DLGAP4: variants seen among roughly 807,000 people sequenced by gnomAD.
DLGAP4 encodes DLG associated protein 4.
Under a neutral mutation model 86.9 loss-of-function variants are expected in DLGAP4, and 18 were observed. The observed-to-expected ratio is 0.21, with a 90% confidence interval of 0.14 to 0.31. The LOEUF is 0.31. Ranked by LOEUF, DLGAP4 falls within the 10% of genes least tolerant of loss-of-function variation. The pLI, the probability that DLGAP4 is intolerant of heterozygous loss-of-function variation, is 1.00. For missense variants in DLGAP4, 1,085 were observed against 1,362.6 expected, an observed-to-expected ratio of 0.80 and a Z score of 3.21; for synonymous variants, 548 against 574.3, an observed-to-expected ratio of 0.95 and a Z score of 0.65.
chr20:36,514,558 G>A (rs1009031152), intron 10 of DLGAP4, among the ~76,000 whole-genome samples: 1 of 152,054 alleles, frequency 6.6e-6, no homozygotes. Flanking sequence ...ACACAGGGGT[G>A]CACCACCACA....
chr20:36,454,771 G>A (rs1378451944), intron 7 of DLGAP4, among the ~76,000 whole-genome samples: 2 of 152,184 alleles, frequency 1.3e-5, no homozygotes, highest in Non-Finnish European at 2.9e-5. Flanking sequence ...GTAGGGGAGC[G>A]GCAGTTATTG....
intron 2 of DLGAP4, among the ~76,000 whole-genome samples, chr20:36,375,789 A>G (rs1214677537): frequency 6.6e-6 from 1 of 152,152 alleles, no homozygotes; most frequent in Non-Finnish European, 1.5e-5. Context: ...GTGGGGAGAC[A>G]CAGGGCTAGA....
At chr20:36,461,535 C>T (rs1481133950) in intron 7 of DLGAP4, 15 of 982,500 alleles carry the variant, frequency 1.5e-5, no homozygotes, top group Non-Finnish European at 1.8e-5. Context: ...CTGGCCGCCG[C>T]CGCCGCCGCC....
intron 10 of DLGAP4, among the ~76,000 whole-genome samples, chr20:36,522,362 G>C (rs1377709986): frequency 6.6e-6 from 1 of 152,070 alleles, no homozygotes; most frequent in Non-Finnish European, 1.5e-5. Flanking sequence ...GTTTCACTTT[G>C]TTGCCCAGGC....
chr20:36,443,236 G>C (rs1370805148), intron 6 of DLGAP4, among the ~76,000 whole-genome samples: 2 of 152,162 alleles, frequency 1.3e-5, no homozygotes, highest in African/African-American at 2.4e-5. Flanking sequence ...GTTGGAGTGT[G>C]TGTGGAGACT....
chr20:36,382,586 G>C (rs1387706329), intron 2 of DLGAP4, among the ~76,000 whole-genome samples: 1 of 134,428 alleles, frequency 7.4e-6, no homozygotes, highest in Non-Finnish European at 1.5e-5. Context: ...CTGGAGTGCA[G>C]TGGCACGATC....
At chr20:36,524,457 C>A in intron 11 of DLGAP4, 116 bp downstream of exon 11, 1 of 817,950 alleles carries the variant, frequency 1.2e-6, no homozygotes, top group South Asian at 1.7e-5. Context: ...AGCGCGGCTT[C>A]CTCATGGTGC....
intron 1 of DLGAP4, among the ~76,000 whole-genome samples, chr20:36,315,146 GTGTGTGTGC>G (rs1274567712): frequency 2.7e-5 from 4 of 150,554 alleles, no homozygotes; most frequent in Admixed American, 6.6e-5. Flanking sequence ...GTGATGTGTG[GTGTGTGTGC>G]TGTGATGTGT....
At chr20:36,511,177 A>G (rs999879865) in intron 10 of DLGAP4, 5 of 152,180 alleles carry the variant, frequency 3.3e-5, no homozygotes, top group East Asian at 1.9e-4. Context: ...TAATTTCTCT[A>G]TGAAGGTCTT....
chr20:36,463,545 G>A (rs2034197611), intron 7 of DLGAP4, among the ~76,000 whole-genome samples: 1 of 152,186 alleles, frequency 6.6e-6, no homozygotes, highest in African/African-American at 2.4e-5. Flanking sequence ...GCAGGGAGAC[G>A]GCTGTTTCTT....
In DLGAP4 at chr20:36,496,956, G is replaced by A. The variant is rs935039542; in HGVS notation, c.1900G>A (p.Glu634Lys). Residue 634 changes from glutamate to lysine, a missense_variant, in exon 8 of 13, where the codon GAG (glutamate) becomes AAG (lysine). Physicochemically the swap from Glu to Lys is moderately conservative, Grantham distance 56. Transcript: ENST00000339266. ...GGVAPAPEAP[E>K]PPPKHAALKS... is the part of the protein sequence containing the mutation. ...AGTCGCCCCAGCCCCTGAGGCCCCA[G>A]AGCCACCCCCAAAACATGCAGCTCT... is the stretch of plus-strand genomic sequence containing the variant. The A allele has an allele frequency of 1.2e-6, 2 of 1,614,126 alleles. No individual in the cohort carries two copies. The highest frequency in any genetic ancestry group is 1.7e-6 in the Non-Finnish European group (2 of 1,180,020).
At chr20:36,474,565 G>C (rs2034824814) in intron 7 of DLGAP4, among the ~76,000 whole-genome samples, 1 of 152,212 alleles carries the variant, frequency 6.6e-6, no homozygotes, top group Non-Finnish European at 1.5e-5. Flanking sequence ...CCCCTGGCGT[G>C]GCTGTTGCCC....
intron 2 of DLGAP4, among the ~76,000 whole-genome samples, chr20:36,395,597 C>G (rs1432170201): frequency 1.3e-5 from 2 of 152,136 alleles, no homozygotes; most frequent in African/African-American, 4.8e-5. Context: ...CTCCCAGGTT[C>G]AAGTGATTCT....
intron 4 of DLGAP4, among the ~76,000 whole-genome samples, chr20:36,438,827 G>A (rs1229998889): frequency 1.3e-5 from 2 of 149,036 alleles, no homozygotes; most frequent in East Asian, 4.0e-4. Flanking sequence ...TCCTGCCTCA[G>A]CCTCCCGAGT....
intron 10 of DLGAP4, among the ~76,000 whole-genome samples, chr20:36,516,522 G>A (rs756159094): frequency 7.9e-5 from 12 of 151,794 alleles, no homozygotes; most frequent in Middle Eastern, 3.4e-3. Context: ...AAAAGTTAGC[G>A]GGGCGTGGTG....
chr20:36,409,475 A>C (rs1246318404), intron 2 of DLGAP4, among the ~76,000 whole-genome samples: 1 of 145,650 alleles, frequency 6.9e-6, no homozygotes, highest in Admixed American at 7.0e-5. Flanking sequence ...CATACCTGTA[A>C]TCCTATGGGA....
chr20:36,482,832 C>T (rs748332719), intron 7 of DLGAP4, among the ~76,000 whole-genome samples: 8 of 152,030 alleles, frequency 5.3e-5, no homozygotes, highest in Non-Finnish European at 1.0e-4. Context: ...ATACCATGCC[C>T]GGCTAATTTT....
At chr20:36,457,251 C>T (rs1383971013) in intron 7 of DLGAP4, among the ~76,000 whole-genome samples, 1 of 151,834 alleles carries the variant, frequency 6.6e-6, no homozygotes, top group Non-Finnish European at 1.5e-5. Context: ...CGGAGTCTCA[C>T]TCTGTTACCC....
intron 10 of DLGAP4, among the ~76,000 whole-genome samples, chr20:36,519,844 A>C (rs2037265518): frequency 1.3e-5 from 2 of 152,230 alleles, no homozygotes; most frequent in Admixed American, 6.5e-5. Flanking sequence ...GCTGAAATTA[A>C]CAATAGTGCC....
Sources: allele counts gnomAD v4.1 joint callset (sites outside exome capture counted in the v4.1 genomes callset), GRCh38; gene constraint gnomAD v4.1.1; transcripts MANE v1.5; gene names NCBI Gene and HGNC (gene_info 2026-07-23, HGNC 2026-07-21).